Variants in SAMD5 observed in about 807,000 individuals in gnomAD.
SAMD5 encodes sterile alpha motif domain containing 5.
A neutral mutation model predicts 11.3 loss-of-function variants in SAMD5; 13 were observed. The observed-to-expected ratio is 1.15, with a 90% CI of 0.75 to 1.83. The LOEUF (loss-of-function observed/expected upper bound fraction) is 1.83, where lower values mean the gene tolerates loss of function less well. Among genes scored for constraint, SAMD5 ranks in the 40% most tolerant of loss-of-function variants. The pLI, the probability that SAMD5 is intolerant of heterozygous loss-of-function variation, is 0.00. For missense variants in SAMD5, 255 were observed against 239.1 expected (o/e 1.07, Z -0.44); for synonymous variants, 129 against 111.3 (o/e 1.16, Z -1.00).
chr6:147,599,679 G>A (rs779872130), intron 1 of SAMD5, among the ~76,000 whole-genome samples: 7 of 152,094 alleles, frequency 4.6e-5, no homozygotes, highest in Non-Finnish European at 8.8e-5. Flanking sequence ...CAGAACCATT[G>A]TCAGTTCATA....
the SAMD5 span, among the ~76,000 whole-genome samples, chr6:147,768,743 A>T: frequency 1.4e-4 from 21 of 152,226 alleles, no homozygotes; most frequent in African/African-American, 4.8e-4. Context: ...CAAACTAAGG[A>T]ACTTATCCAT....
chr6:147,740,148 C>T (rs1052959098), downstream of SAMD5, among the ~76,000 whole-genome samples: 8 of 152,126 alleles, frequency 5.3e-5, no homozygotes, highest in African/African-American at 1.9e-4. Context: ...TTTACATTAT[C>T]CATTATTACA....
the SAMD5 span, among the ~76,000 whole-genome samples, chr6:147,881,203 A>G: frequency 6.6e-6 from 1 of 152,136 alleles, no homozygotes; most frequent in Non-Finnish European, 1.5e-5. Flanking sequence ...TTATGGCAAA[A>G]CTAAGATCTT....
the SAMD5 span, among the ~76,000 whole-genome samples, chr6:147,839,643 G>C: frequency 6.6e-6 from 1 of 152,116 alleles, no homozygotes. Flanking sequence ...CAAGCTACTC[G>C]GGAGGCTGAG....
chr6:147,510,023 T>C (rs1276001170), intron 1 of SAMD5, among the ~76,000 whole-genome samples: 4 of 152,312 alleles, frequency 2.6e-5, no homozygotes, highest in African/African-American at 9.6e-5. Context: ...AATAAGGTGC[T>C]AAGGACATCA....
chr6:147,950,980 A>G, the SAMD5 span, among the ~76,000 whole-genome samples: 72,620 of 149,618 alleles, frequency 0.49, 19,287 homozygotes, highest in East Asian at 0.76. Flanking sequence ...TACTCAGGCC[A>G]TGTAATAAAT....
chr6:147,612,596 T>G (rs1324614501), intron 1 of SAMD5, among the ~76,000 whole-genome samples: 1 of 152,200 alleles, frequency 6.6e-6, no homozygotes, highest in Non-Finnish European at 1.5e-5. Flanking sequence ...ATTGCTCTCT[T>G]TAAATTTCTT....
chr6:147,695,678 A>G (rs1050119362), intron 1 of SAMD5, among the ~76,000 whole-genome samples: 6 of 152,190 alleles, frequency 3.9e-5, no homozygotes, highest in African/African-American at 1.4e-4. Context: ...ACCAGTGTCT[A>G]CAAAGACATT....
intron 1 of SAMD5, among the ~76,000 whole-genome samples, chr6:147,580,142 C>T (rs985065720): frequency 9.2e-5 from 14 of 152,150 alleles, no homozygotes; most frequent in African/African-American, 1.2e-4. Context: ...TGTTAGTGCA[C>T]TCAAAATCAA....
intron 1 of SAMD5, among the ~76,000 whole-genome samples, chr6:147,535,601 AC>A (rs1224693374): frequency 6.6e-6 from 1 of 152,218 alleles, no homozygotes; most frequent in Non-Finnish European, 1.5e-5. Flanking sequence ...GTCTTTCTGT[AC>A]TTGGCCTGAT....
chr6:147,646,692 A>T (rs997476552), intron 1 of SAMD5, among the ~76,000 whole-genome samples: 1 of 152,164 alleles, frequency 6.6e-6, no homozygotes, highest in African/African-American at 2.4e-5. Context: ...CTTTAGAAAA[A>T]ACTGCATTTC....
intron 1 of SAMD5, among the ~76,000 whole-genome samples, chr6:147,663,541 G>A (rs1370905940): frequency 1.3e-5 from 2 of 152,024 alleles, no homozygotes; most frequent in Non-Finnish European, 2.9e-5. Flanking sequence ...TAGCACTTTG[G>A]GAGGCCGAGG....
the SAMD5 span, among the ~76,000 whole-genome samples, chr6:147,750,846 C>G: frequency 6.6e-6 from 1 of 152,148 alleles, no homozygotes; most frequent in Non-Finnish European, 1.5e-5. Context: ...AGCTTGAACC[C>G]GGGAGGCAAA....
chr6:147,694,760 T>G (rs1347911767), intron 1 of SAMD5, among the ~76,000 whole-genome samples: 1 of 152,150 alleles, frequency 6.6e-6, no homozygotes, highest in Admixed American at 6.5e-5. Context: ...AAGGCTGCAG[T>G]GAGCTGTGAT....
chr6:147,644,237 G>A (rs730864), intron 1 of SAMD5, among the ~76,000 whole-genome samples: 59,736 of 151,900 alleles, frequency 0.39, 12,918 homozygotes, highest in Middle Eastern at 0.5. Flanking sequence ...CCCAATCAGA[G>A]GAGGGAGGAA....
the SAMD5 span, among the ~76,000 whole-genome samples, chr6:147,844,652 T>C: frequency 2.1e-5 from 3 of 143,720 alleles, no homozygotes; most frequent in African/African-American, 8.3e-5. Flanking sequence ...GGAATACTAT[T>C]CAGCCTAAAA....
At position 147,566,152 on chromosome 6, in the gene SAMD5, A is replaced by G; in HGVS notation, c.*1696A>G. On this transcript the variant is annotated 3_prime_UTR_variant, in exon 2 of 2. Transcript: ENST00000367474. ...TTTAGCTATTTCTGTAGGTTAATTC[A>G]GGCACTGACTAAAATCAGTCTCATT... 1 of 979,628 alleles carries G rather than the reference A, an allele frequency of 1.0e-6. No individual in the cohort carries two copies. Among genetic ancestry groups the G allele is most frequent in the Non-Finnish European group, 1.2e-6 (1 of 824,606 alleles). 60.7% of individuals were successfully genotyped at this position (979,628 alleles called of 1,614,324 possible).
chr6:147,744,038 A>G, the SAMD5 span, among the ~76,000 whole-genome samples: 778 of 152,368 alleles, frequency 5.1e-3, 3 homozygotes, highest in African/African-American at 0.018. Context: ...CCCTGCTCAG[A>G]GTCACGTAAC....
At chr6:147,584,969 G>T (rs1336268232) in intron 1 of SAMD5, among the ~76,000 whole-genome samples, 1 of 151,854 alleles carries the variant, frequency 6.6e-6, no homozygotes. Context: ...AATACTTCAG[G>T]ATGCCTAAAT....
Sources: gnomAD v4.1 joint callset for allele counts (sites outside exome capture counted in the v4.1 genomes callset) on GRCh38, gnomAD v4.1.1 for gene constraint, MANE v1.5 for transcripts, NCBI Gene and HGNC (gene_info 2026-07-23, HGNC 2026-07-21) for gene names.